Variants in CALD1 observed in about 807,000 individuals in gnomAD.
CALD1 encodes caldesmon.
CALD1 carries 33 observed loss-of-function variants against 99.9 expected under a neutral mutation model. The ratio of observed to expected loss-of-function variants is 0.33; its 90% CI spans 0.25 to 0.44. The LOEUF (loss-of-function observed/expected upper bound fraction) is 0.44, where lower values mean the gene tolerates loss of function less well. Among genes scored for constraint, CALD1 ranks in the 20% least tolerant of loss-of-function variants. The pLI is 1.00. For synonymous variants in CALD1, 310 were observed against 325.0 expected (o/e 0.95, Z 0.50); for missense variants, 861 against 962.1 (o/e 0.89, Z 1.39).
At chr7:134,932,525 T>A (rs183196425) in intron 4 of CALD1, among the ~76,000 whole-genome samples, 5 of 152,272 alleles carry the variant, frequency 3.3e-5, no homozygotes, top group Admixed American at 2.0e-4. Flanking sequence ...TAGGAAACAC[T>A]GGTGGAGGTG....
At chr7:134,720,270 A>C in the CALD1 span, among the ~76,000 whole-genome samples, 1 of 150,812 alleles carries the variant, frequency 6.6e-6, no homozygotes, top group Non-Finnish European at 1.5e-5. Flanking sequence ...GGAAAGAATG[A>C]TGAATGGGCC....
intron 1 of CALD1, among the ~76,000 whole-genome samples, chr7:134,804,512 A>G (rs1018836722): frequency 5.9e-5 from 9 of 152,154 alleles, no homozygotes; most frequent in African/African-American, 2.2e-4. Flanking sequence ...CAGTCATCTG[A>G]GGCATTTCCT....
chr7:134,952,366 A>G (rs1050626039), intron 9 of CALD1, among the ~76,000 whole-genome samples: 12 of 152,190 alleles, frequency 7.9e-5, no homozygotes, highest in African/African-American at 2.9e-4. Context: ...GTGTACGGTT[A>G]TATCAAGTGG....
intron 1 of CALD1, among the ~76,000 whole-genome samples, chr7:134,812,182 A>G (rs553328780): frequency 2.3e-4 from 35 of 152,282 alleles, no homozygotes; most frequent in African/African-American, 8.2e-4. Context: ...TTTTTTGGAG[A>G]ACAAATTGTT....
At chr7:134,870,355 C>CA (rs1234148089) in intron 3 of CALD1, among the ~76,000 whole-genome samples, 1 of 152,130 alleles carries the variant, frequency 6.6e-6, no homozygotes, top group Non-Finnish European at 1.5e-5. Context: ...GAATCATTGA[C>CA]AGAGGTGTGA....
At chr7:134,764,053 T>C (rs987991142) in intron 1 of CALD1, among the ~76,000 whole-genome samples, 1 of 152,142 alleles carries the variant, frequency 6.6e-6, no homozygotes, top group Non-Finnish European at 1.5e-5. Context: ...AGAAGATACA[T>C]GTAACAAAGT....
chr7:134,967,898 C>T (rs903511060), intron 14 of CALD1, among the ~76,000 whole-genome samples: 1 of 152,184 alleles, frequency 6.6e-6, no homozygotes, highest in East Asian at 1.9e-4. Flanking sequence ...AATTCCAACA[C>T]TTTGGGAGGC....
rs148882649 is a variant in CALD1 at position 134,942,230 on chromosome 7, A to G, written c.1532+993A>G. On this transcript the variant is annotated intron_variant, in intron 7 of 14. Coordinates refer to ENST00000361675, the MANE Select transcript of CALD1 (RefSeq NM_033138.4). ...GACCCTGTTTTTCTGAACACTTCAA[A>G]TAAGAAAGTCATCAAGCAGGTTTGA... Among the ~76,000 whole-genome samples the G allele has an allele frequency of 1.4e-3, 212 of 152,264 alleles. 1 individual carries two copies. The highest frequency in any genetic ancestry group is 4.9e-3 in the African/African-American group (202 of 41,550).
At chr7:134,757,750 G>A (rs765445325) in intron 1 of CALD1, among the ~76,000 whole-genome samples, 2 of 151,962 alleles carry the variant, frequency 1.3e-5, no homozygotes, top group Admixed American at 6.6e-5. Flanking sequence ...ATGGTGGTGC[G>A]CGCCTGTGAT....
chr7:134,799,159 A>C (rs1243903781), intron 1 of CALD1, among the ~76,000 whole-genome samples: 2 of 152,248 alleles, frequency 1.3e-5, no homozygotes, highest in African/African-American at 4.8e-5. Flanking sequence ...GAATCAATAA[A>C]GTTGAAAATA....
At chr7:134,866,817 C>T (rs1800821608) in intron 2 of CALD1, 1 of 152,150 alleles carries the variant, frequency 6.6e-6, no homozygotes, top group Non-Finnish European at 1.5e-5. Context: ...GCCTTAAATG[C>T]CAGATTCCAG....
intron 3 of CALD1, among the ~76,000 whole-genome samples, chr7:134,890,445 G>A (rs1231378515): frequency 6.6e-6 from 1 of 152,172 alleles, no homozygotes; most frequent in Admixed American, 6.5e-5. Context: ...CCGTGAAAGC[G>A]CTCTCAATGT....
intron 1 of CALD1, among the ~76,000 whole-genome samples, chr7:134,756,531 A>G (rs1258695898): frequency 6.6e-6 from 1 of 151,928 alleles, no homozygotes; most frequent in East Asian, 1.9e-4. Flanking sequence ...AATTCATAGT[A>G]TATAACTTGA....
chr7:134,904,173 A>C (rs1803202102), intron 3 of CALD1, among the ~76,000 whole-genome samples: 1 of 152,096 alleles, frequency 6.6e-6, no homozygotes, highest in Admixed American at 6.5e-5. Context: ...CAGTGAGCCA[A>C]GATCATGTCA....
chr7:134,954,792 C>A (rs751212124), intron 9 of CALD1, among the ~76,000 whole-genome samples: 1 of 152,202 alleles, frequency 6.6e-6, no homozygotes, highest in African/African-American at 2.4e-5. Context: ...CACCACGCTG[C>A]GTGCCTTGTG....
chr7:134,758,527 TG>T lies in CALD1; in HGVS notation c.-130+14165del, dbSNP rs1446199757. Among the ~76,000 whole-genome samples, 81 of 139,286 alleles carry T rather than the reference TG, an allele frequency of 5.8e-4. 1 individual carries two copies. The highest frequency in any genetic ancestry group is 2.0e-3 in the African/African-American group (80 of 40,082). 91.4% of individuals were successfully genotyped at this position (139,286 alleles called of 152,430 possible). On this transcript the variant is annotated intron_variant, in intron 1 of 13. Coordinates refer to the CALD1 transcript ENST00000417172. ...GTGTGTGTGTGTGTGTGTGTGTGTG[TG>T]TGTGTGTGTGTTTCCAAGAACACAG...
At chr7:134,818,920 T>C (rs926000035) in intron 1 of CALD1, among the ~76,000 whole-genome samples, 6 of 152,152 alleles carry the variant, frequency 3.9e-5, no homozygotes, top group Admixed American at 6.6e-5. Context: ...TGGAAAACTT[T>C]AGGAGGAAAA....
At chr7:134,759,563 G>A (rs1346855259) in intron 1 of CALD1, among the ~76,000 whole-genome samples, 1 of 152,226 alleles carries the variant, frequency 6.6e-6, no homozygotes, top group Non-Finnish European at 1.5e-5. Context: ...TCTGGCTAGA[G>A]TGGAGAGTGA....
intron 1 of CALD1, among the ~76,000 whole-genome samples, chr7:134,805,006 G>A (rs1798082452): frequency 6.6e-6 from 1 of 152,218 alleles, no homozygotes; most frequent in African/African-American, 2.4e-5. Flanking sequence ...AGTTGGGAGT[G>A]CTGATTGGTC....
Sources: allele counts gnomAD v4.1 joint callset (sites outside exome capture counted in the v4.1 genomes callset), GRCh38; gene constraint gnomAD v4.1.1; transcripts MANE v1.5; gene names NCBI Gene and HGNC (gene_info 2026-07-23, HGNC 2026-07-21).